SCD5: variants seen among roughly 807,000 people sequenced by gnomAD.
The protein encoded by SCD5 is acyl-CoA-desaturase 4.
Under a neutral mutation model 30.4 loss-of-function variants are expected in SCD5, and 20 were observed. The observed-to-expected ratio is 0.66, with a 90% CI of 0.46 to 0.96. The LOEUF is 0.96. Ranked by LOEUF, SCD5 falls within the 40% of genes least tolerant of loss-of-function variation. The pLI is 0.00. For missense variants in SCD5, 381 were observed against 443.3 expected (o/e 0.86, Z 1.26); for synonymous variants, 173 against 176.4 (o/e 0.98, Z 0.16).
intron 2 of SCD5, among the ~76,000 whole-genome samples, chr4:82,682,390 T>TA (rs1553915796): frequency 6.6e-6 from 1 of 151,804 alleles, no homozygotes; most frequent in Non-Finnish European, 1.5e-5. Flanking sequence ...GACGTTTTTT[T>TA]ACACTAATTT....
At chr4:82,698,515 G>A (rs1257842952) in intron 2 of SCD5, among the ~76,000 whole-genome samples, 1 of 152,214 alleles carries the variant, frequency 6.6e-6, no homozygotes. Flanking sequence ...AAACGCATGA[G>A]GCCATGTCAC....
At chr4:82,654,565 G>A (rs538555821) in intron 3 of SCD5, among the ~76,000 whole-genome samples, 3 of 152,294 alleles carry the variant, frequency 2.0e-5, no homozygotes, top group African/African-American at 7.2e-5. Flanking sequence ...GCAAAAAGGG[G>A]AGAATGTGAA....
At chr4:82,656,020 G>C (rs980610130) in intron 3 of SCD5, among the ~76,000 whole-genome samples, 16 of 152,214 alleles carry the variant, frequency 1.1e-4, no homozygotes, top group African/African-American at 3.9e-4. Flanking sequence ...GTCCACAATA[G>C]GGGAAAATGT....
At chr4:82,793,184 A>G (rs1722136105) in intron 1 of SCD5, among the ~76,000 whole-genome samples, 1 of 152,242 alleles carries the variant, frequency 6.6e-6, no homozygotes, top group South Asian at 2.1e-4. Context: ...ATTGAGCATT[A>G]AAGTTTTTTA....
chr4:82,699,000 G>T (rs577425614), intron 2 of SCD5, among the ~76,000 whole-genome samples: 84 of 152,330 alleles, frequency 5.5e-4, no homozygotes, highest in African/African-American at 1.9e-3. Flanking sequence ...CTTAACACAT[G>T]TGTTTGCTGA....
At chr4:82,786,360 C>T (rs74611051) in intron 1 of SCD5, among the ~76,000 whole-genome samples, 11,392 of 152,252 alleles carry the variant, frequency 0.075, 495 homozygotes, top group Middle Eastern at 0.11. Flanking sequence ...AAAACCAACA[C>T]AGCCCAAATA....
chr4:82,705,525 A>G (rs1296863112), intron 1 of SCD5, 112 bp from the exon 2 acceptor site: 118 of 1,367,654 alleles, frequency 8.6e-5, no homozygotes, highest in Non-Finnish European at 9.0e-6. Context: ...CAGGGGGGAA[A>G]GCTGCAACAT....
At position 82,636,812 on chromosome 4, in the gene SCD5, A is replaced by G; in HGVS notation, c.581T>C (p.Ile194Thr). The stretch of plus-strand genomic sequence containing the variant: ...CACAAAGCACATGAGCACCACGGAG[A>G]TCTTATAGTACCTACAGGGCAAGAC... ...VVRIQRKYYKISVVLMCFVVP... is the reference protein window; with the variant it reads ...VVRIQRKYYKTSVVLMCFVVP... Residue 194 changes from isoleucine (I) to threonine (T), a missense_variant, in exon 4 of 5, where the codon ATC becomes ACC. Coordinates refer to ENST00000319540, the MANE Select transcript of SCD5 (RefSeq NM_001037582.3). 6.2e-7 allele frequency: 1 copy of G among 1,612,180 alleles called. No homozygotes were observed. The highest frequency in any genetic ancestry group is 8.5e-7 in the Non-Finnish European group (1 of 1,178,966).
At chr4:82,785,959 C>A (rs906272542) in intron 1 of SCD5, among the ~76,000 whole-genome samples, 5 of 152,148 alleles carry the variant, frequency 3.3e-5, no homozygotes, top group African/African-American at 1.2e-4. Context: ...AAGCTTCTTA[C>A]GAACCTATTA....
At chr4:82,669,452 T>C (rs1455252490) in intron 3 of SCD5, among the ~76,000 whole-genome samples, 1 of 152,222 alleles carries the variant, frequency 6.6e-6, no homozygotes, top group African/African-American at 2.4e-5. Flanking sequence ...GATGTGAGAT[T>C]ACAGGGAAAA....
intron 1 of SCD5, among the ~76,000 whole-genome samples, chr4:82,711,191 C>G (rs28568636): frequency 0.39 from 58,496 of 151,894 alleles, 11,855 homozygotes; most frequent in African/African-American, 0.5. Context: ...GATCCCCCCC[C>G]CGATAACCCA....
At chr4:82,770,061 T>C (rs1721584862) in intron 1 of SCD5, among the ~76,000 whole-genome samples, 1 of 152,170 alleles carries the variant, frequency 6.6e-6, no homozygotes, top group African/African-American at 2.4e-5. Flanking sequence ...ATATTTTAAG[T>C]TCTAGGGTAC....
intron 1 of SCD5, among the ~76,000 whole-genome samples, chr4:82,773,183 G>A (rs1309636097): frequency 6.6e-6 from 1 of 152,168 alleles, no homozygotes; most frequent in Non-Finnish European, 1.5e-5. Flanking sequence ...TTCTGCAATT[G>A]CATGTGTCCT....
chr4:82,746,909 T>C (rs1290416070), intron 1 of SCD5, among the ~76,000 whole-genome samples: 3 of 151,464 alleles, frequency 2.0e-5, no homozygotes, highest in Non-Finnish European at 4.4e-5. Context: ...CCCCCAATCC[T>C]GTTGCCATAT....
At position 82,789,179 on chromosome 4, in the gene SCD5, T is replaced by A. The variant is rs149801858; in HGVS notation, c.232+9127A>T. Among the ~76,000 whole-genome samples the A allele has an allele frequency of 5.3e-3, 809 of 152,318 alleles. 3 individuals are homozygous for A. The highest frequency in any genetic ancestry group is 0.016 in the African/African-American group (654 of 41,558). ...TCCTTGCTATTTTTCCTCAGCTCTA[T>A]TCATGAAAATAAAATTAATTTTCTA... is the stretch of plus-strand genomic sequence containing the variant. On this transcript the variant is annotated intron_variant, in intron 1 of 4. Coordinates refer to ENST00000319540, the MANE Select transcript of SCD5 (RefSeq NM_001037582.3).
chr4:82,653,222 C>A (rs6845950), intron 3 of SCD5, among the ~76,000 whole-genome samples: 6,910 of 152,244 alleles, frequency 0.045, 549 homozygotes, highest in African/African-American at 0.16. Context: ...TGTAACCAAA[C>A]TTTCAATATG....
intron 4 of SCD5, among the ~76,000 whole-genome samples, chr4:82,635,239 A>G (rs544078576): frequency 4.6e-5 from 7 of 152,352 alleles, no homozygotes; most frequent in Admixed American, 2.0e-4. Context: ...AGTAACTGCT[A>G]TGATTATCCC....
At chr4:82,781,608 T>G (rs754992033) in intron 1 of SCD5, among the ~76,000 whole-genome samples, 1 of 152,092 alleles carries the variant, frequency 6.6e-6, no homozygotes, top group African/African-American at 2.4e-5. Context: ...GCAGGCCTAA[T>G]GGGAGGTGTT....
intron 1 of SCD5, among the ~76,000 whole-genome samples, chr4:82,716,006 T>C (rs1720218128): frequency 6.6e-6 from 1 of 151,848 alleles, no homozygotes; most frequent in African/African-American, 2.4e-5. Context: ...GTCAATGTTA[T>C]CATTTTTTTG....
Sources: gnomAD v4.1 joint callset for allele counts (sites outside exome capture counted in the v4.1 genomes callset) on GRCh38, gnomAD v4.1.1 for gene constraint, MANE v1.5 for transcripts, NCBI Gene and HGNC (gene_info 2026-07-23, HGNC 2026-07-21) for gene names.